The following LRRIQ1 variants were observed in gnomAD, a reference collection of about 807,000 sequenced individuals.
The protein encoded by LRRIQ1 is leucine-rich repeat- and IQ domain-containing protein 1.
A neutral mutation model predicts 211.9 loss-of-function variants in LRRIQ1; 210 were observed. The observed-to-expected ratio is 0.99, with a 90% CI of 0.89 to 1.11. LRRIQ1 has a LOEUF of 1.11. Among genes scored for constraint, LRRIQ1 ranks in the 50% most tolerant of loss-of-function variants. The pLI, the probability that LRRIQ1 is intolerant of heterozygous loss-of-function variation, is 0.00. For missense variants in LRRIQ1, 2,136 were observed against 1,939.5 expected (o/e 1.10, Z -1.90); for synonymous variants, 699 against 650.1 (o/e 1.08, Z -1.14).
intron 11 of LRRIQ1, among the ~76,000 whole-genome samples, chr12:85,087,850 T>A (rs2136209392): frequency 6.6e-6 from 1 of 152,352 alleles, no homozygotes; most frequent in African/African-American, 2.4e-5. Context: ...TATTAGCCCT[T>A]TGTCAGATGG....
intron 17 of LRRIQ1, among the ~76,000 whole-genome samples, chr12:85,125,566 C>G (rs2136455346): frequency 6.6e-6 from 1 of 152,266 alleles, no homozygotes; most frequent in East Asian, 1.9e-4. Flanking sequence ...ATCACAGTAA[C>G]TAGCAAATCT....
chr12:85,128,243 C>A (rs1332971907), intron 18 of LRRIQ1, among the ~76,000 whole-genome samples: 3 of 152,040 alleles, frequency 2.0e-5, no homozygotes, highest in Non-Finnish European at 4.4e-5. Context: ...AAGGAATAAG[C>A]CTTAAATACA....
intron 6 of LRRIQ1, among the ~76,000 whole-genome samples, chr12:85,049,309 AT>A (rs533005191): frequency 4.6e-5 from 7 of 152,060 alleles, no homozygotes; most frequent in East Asian, 1.9e-4. Flanking sequence ...ACCACATAAC[AT>A]TTTTTTGCAT....
At chr12:85,144,168 T>C (rs1250802755) in intron 19 of LRRIQ1, among the ~76,000 whole-genome samples, 1 of 151,668 alleles carries the variant, frequency 6.6e-6, no homozygotes, top group Admixed American at 6.6e-5. Flanking sequence ...ATGCAGTATT[T>C]GGTTTTCTGA....
chr12:85,131,212 C>CA (rs111605863), intron 18 of LRRIQ1, among the ~76,000 whole-genome samples: 5,442 of 127,488 alleles, frequency 0.043, 259 homozygotes, highest in African/African-American at 0.13. Context: ...GATTTTGTCT[C>CA]AAAAAAAAAA....
chr12:85,135,888 C>T (rs1418977641), intron 18 of LRRIQ1, among the ~76,000 whole-genome samples: 1 of 151,830 alleles, frequency 6.6e-6, no homozygotes, highest in Non-Finnish European at 1.5e-5. Context: ...ACATATAGAG[C>T]ACCCCATCTG....
At chr12:85,129,335 G>A (rs1454129699) in intron 18 of LRRIQ1, among the ~76,000 whole-genome samples, 4 of 152,190 alleles carry the variant, frequency 2.6e-5, no homozygotes, top group Non-Finnish European at 5.9e-5. Flanking sequence ...AATAAAATAA[G>A]ATCTGTAGAA....
intron 18 of LRRIQ1, among the ~76,000 whole-genome samples, chr12:85,130,044 A>G (rs1888643400): frequency 6.6e-6 from 1 of 152,202 alleles, no homozygotes; most frequent in African/African-American, 2.4e-5. Flanking sequence ...AGGAAGAGCA[A>G]CTGGAAAAAT....
At chr12:85,109,025 A>C (rs1389798) in intron 15 of LRRIQ1, among the ~76,000 whole-genome samples, 43,204 of 151,980 alleles carry the variant, frequency 0.28, 6,293 homozygotes, top group Admixed American at 0.34. Flanking sequence ...AAGCTGTTGA[A>C]TTTTTGCCCT....
chr12:85,099,826 G>A (rs1886206842), intron 13 of LRRIQ1, among the ~76,000 whole-genome samples: 1 of 151,502 alleles, frequency 6.6e-6, no homozygotes, highest in African/African-American at 2.4e-5. Flanking sequence ...CCACAACAGT[G>A]TTCATCTTTT....
At chr12:85,087,984 CA>C (rs1885000829) in intron 11 of LRRIQ1, among the ~76,000 whole-genome samples, 1 of 152,050 alleles carries the variant, frequency 6.6e-6, no homozygotes, top group Non-Finnish European at 1.5e-5. Flanking sequence ...CTTTTGTTGC[CA>C]TTGCTTTCGG....
At position 85,055,691 on chromosome 12, in the gene LRRIQ1, T is replaced by C; in HGVS notation, c.898T>C (p.Tyr300His). ...IQAKYKAFVA[Y>H]QKYGPIIKEQ... is the part of the protein sequence containing the mutation. ...AGCTAAATATAAAGCATTTGTTGCC[T>C]ATCAAAAATATGGCCCAATTATTAA... Residue 300 changes from tyrosine (Y) to histidine (H), a missense_variant, in exon 8 of 27, where the codon TAT becomes CAT. By Grantham distance (83) the Tyr-to-His change is moderately conservative. Transcript: ENST00000393217. 1.9e-6 allele frequency: 3 copies of C among 1,608,564 alleles called. No individual in the cohort carries two copies. Among genetic ancestry groups the C allele is most frequent in the Non-Finnish European group, 2.5e-6 (3 of 1,178,226 alleles).
intron 1 of LRRIQ1, among the ~76,000 whole-genome samples, chr12:85,260,217 T>A (rs1896245656): frequency 6.7e-6 from 1 of 150,204 alleles, no homozygotes; most frequent in South Asian, 2.1e-4. Context: ...TGAGTTGAGA[T>A]GAGAGGATCA....
intron 24 of LRRIQ1, among the ~76,000 whole-genome samples, chr12:85,219,435 A>G (rs1338523175): frequency 6.6e-6 from 1 of 152,134 alleles, no homozygotes; most frequent in African/African-American, 2.4e-5. Context: ...CAAAATCTAA[A>G]TATTTTCCAT....
At chr12:85,197,216 T>C (rs1162602456) in intron 24 of LRRIQ1, among the ~76,000 whole-genome samples, 1 of 151,852 alleles carries the variant, frequency 6.6e-6, no homozygotes, top group Non-Finnish European at 1.5e-5. Flanking sequence ...AGGAACACTT[T>C]TACACTGTTG....
At chr12:85,148,553 A>G (rs190028792) in intron 19 of LRRIQ1, among the ~76,000 whole-genome samples, 1 of 151,920 alleles carries the variant, frequency 6.6e-6, no homozygotes, top group Non-Finnish European at 1.5e-5. Context: ...TCTATCATTA[A>G]TGGGCATTTG....
intron 25 of LRRIQ1, among the ~76,000 whole-genome samples, 173 bp downstream of exon 25, chr12:85,229,822 T>C (rs1182121567): frequency 6.6e-6 from 1 of 152,126 alleles, no homozygotes; most frequent in Non-Finnish European, 1.5e-5. Flanking sequence ...CTCCTTCTAT[T>C]TTTCACCCTG....
chr12:85,224,962 G>A (rs1894577922), intron 24 of LRRIQ1, among the ~76,000 whole-genome samples: 1 of 151,868 alleles, frequency 6.6e-6, no homozygotes, highest in African/African-American at 2.4e-5. Flanking sequence ...TTGTGTCTCA[G>A]TTTTCTATTA....
At chr12:85,189,159 T>C (rs73381659) in intron 24 of LRRIQ1, among the ~76,000 whole-genome samples, 8,745 of 152,168 alleles carry the variant, frequency 0.057, 837 homozygotes, top group African/African-American at 0.2. Context: ...AATGCCAAGA[T>C]ATGCTCCTGT....
Sources: allele counts gnomAD v4.1 joint callset (sites outside exome capture counted in the v4.1 genomes callset), GRCh38; gene constraint gnomAD v4.1.1; transcripts MANE v1.5; gene names NCBI Gene and HGNC (gene_info 2026-07-23, HGNC 2026-07-21).